The following SETD7 variants were observed in gnomAD, a reference collection of about 807,000 sequenced individuals.
SETD7 encodes the protein SET domain containing 7, histone lysine methyltransferase.
SETD7 carries 16 observed loss-of-function variants against 41.8 expected under a neutral mutation model. The observed-to-expected ratio is 0.38, with a 90% confidence interval of 0.26 to 0.58. SETD7 has a LOEUF of 0.58. Among genes scored for constraint, SETD7 ranks in the 20% least tolerant of loss-of-function variants. The probability of loss-of-function intolerance (pLI) is 0.64; values close to 1 mark genes in which losing one functional copy is unlikely to be tolerated. For missense variants in SETD7, 346 were observed against 459.7 expected, an observed-to-expected ratio of 0.75 and a Z score of 2.26; for synonymous variants, 163 against 169.7, an observed-to-expected ratio of 0.96 and a Z score of 0.31.
Position 139,511,668 on chromosome 4 carries a change from T to C in SETD7, c.1096A>G (p.Lys366Glu). Residue 366 changes from lysine to glutamate, a missense_variant, in exon 8 of 8, where the codon AAG becomes GAG. Around this residue, in one of 3 missense-constraint regions of SETD7, gnomAD observed 5 missense variants for 17.2 expected, o/e 0.29. Coordinates refer to ENST00000274031, the MANE Select transcript of SETD7 (RefSeq NM_030648.4). ...ELKAFQATQQ[K>E] ...GAACCCCAAAGCCAGGCCTTTCACT[T>C]TTGCTGGGTGGCCTGGAAGGCCTTC... The C allele has an allele frequency of 6.2e-7, 1 of 1,613,666 alleles. No homozygotes were observed. Among genetic ancestry groups the C allele is most frequent in the Non-Finnish European group, 8.5e-7 (1 of 1,179,870 alleles).
exon 8 of SETD7, chr4:139,496,114 C>A: frequency 2.7e-6 from 1 of 367,838 alleles, no homozygotes; most frequent in Non-Finnish European, 4.9e-6. Context: ...GAAGAAAATT[C>A]CAAATATCCT....
chr4:139,494,396 C>T (rs1726416664), downstream of SETD7, among the ~76,000 whole-genome samples: 1 of 152,208 alleles, frequency 6.6e-6, no homozygotes. Flanking sequence ...CAATATCCAG[C>T]ATACCTGAGC....
At chr4:139,534,838 T>C (rs1727593085) in intron 2 of SETD7, among the ~76,000 whole-genome samples, 2 of 152,232 alleles carry the variant, frequency 1.3e-5, no homozygotes, top group Admixed American at 1.3e-4. Context: ...CTCTGTCTGG[T>C]AAAGTCTTGA....
At chr4:139,500,531 C>T (rs934157962) in intron 7 of SETD7, among the ~76,000 whole-genome samples, 24 of 152,276 alleles carry the variant, frequency 1.6e-4, no homozygotes, top group South Asian at 2.1e-4. Context: ...TTTTTTGAGA[C>T]GGAGTCTTGC....
At chr4:139,520,115 G>A (rs539892758) in intron 6 of SETD7, among the ~76,000 whole-genome samples, 162 bp downstream of exon 6, 8 of 152,104 alleles carry the variant, frequency 5.3e-5, no homozygotes, top group South Asian at 4.1e-4. Flanking sequence ...AAAAAAAATC[G>A]TATTAAGGCT....
rs776570434 is a variant in SETD7, at chr4:139,517,934, A to G, written c.871T>C (p.Leu291=). ...AAGGAGTGATTTGCCTTGTGTCCCAAGGAGGCACAGTACTTGGATACGTGG... is the reference window on the plus strand; with the variant it reads ...AAGGAGTGATTTGCCTTGTGTCCCAGGGAGGCACAGTACTTGGATACGTGG... ...YNHVSKYCAS[L]GHKANHSFTP... Residue 291 remains leucine, a synonymous_variant, in exon 7 of 8, where the codon TTG becomes CTG. Transcript: ENST00000274031. 4.3e-6 allele frequency: 7 copies of G among 1,613,974 alleles called. No homozygotes were observed. The South Asian group carries it at 4.4e-5, about 10-fold the overall frequency.
chr4:139,540,438 T>C (rs1046154826), intron 2 of SETD7, among the ~76,000 whole-genome samples: 10 of 152,306 alleles, frequency 6.6e-5, no homozygotes, highest in African/African-American at 2.4e-4. Context: ...ATTTCCCTGT[T>C]TCAAGTTGGA....
At chr4:139,547,223 C>T (rs546058356) in intron 1 of SETD7, among the ~76,000 whole-genome samples, 174 bp from the exon 2 acceptor site, 6 of 152,278 alleles carry the variant, frequency 3.9e-5, no homozygotes, top group Admixed American at 2.0e-4. Context: ...CTCACCTCAT[C>T]GGCACCAGCA....
chr4:139,551,432 T>C (rs1285945685), intron 1 of SETD7, among the ~76,000 whole-genome samples: 1 of 152,262 alleles, frequency 6.6e-6, no homozygotes, highest in Non-Finnish European at 1.5e-5. Flanking sequence ...GTCTACTTTT[T>C]CACTTTATTC....
intron 2 of SETD7, among the ~76,000 whole-genome samples, chr4:139,537,452 A>G (rs1409334311): frequency 6.6e-6 from 1 of 151,362 alleles, no homozygotes; most frequent in South Asian, 2.1e-4. Context: ...AACAGAGCCT[A>G]CTCATCATCC....
downstream of SETD7, among the ~76,000 whole-genome samples, chr4:139,494,665 G>T (rs560189677): frequency 1.5e-4 from 23 of 152,336 alleles, no homozygotes; most frequent in South Asian, 4.8e-3. Flanking sequence ...TATCAACATA[G>T]ACACAGAAGT....
intron 1 of SETD7, among the ~76,000 whole-genome samples, chr4:139,550,606 G>T (rs1728084674): frequency 6.6e-6 from 1 of 152,202 alleles, no homozygotes; most frequent in African/African-American, 2.4e-5. Context: ...AGACTAGGTT[G>T]CAGTGCTCTT....
chr4:139,537,036 C>T (rs896578234), intron 2 of SETD7, among the ~76,000 whole-genome samples: 5 of 152,078 alleles, frequency 3.3e-5, no homozygotes, highest in Non-Finnish European at 7.4e-5. Context: ...AGTGCAACGG[C>T]ACAATCTTGG....
At chr4:139,537,016 C>T (rs1724692794) in intron 2 of SETD7, among the ~76,000 whole-genome samples, 1 of 152,112 alleles carries the variant, frequency 6.6e-6, no homozygotes, top group Non-Finnish European at 1.5e-5. Flanking sequence ...ACTCTTGTTG[C>T]CCAGGCTGGA....
In SETD7 at chr4:139,511,738, G is replaced by C. The variant is rs368140697; in HGVS notation, c.1026C>G (p.Pro342=). ...CAGGGGCTTCAGGCCCACTCTTCCC[G>C]GGGGGGCTGTGGTCATAGCCATAGG... ...TVAYGYDHSP[P]GKSGPEAPEW... is the part of the protein sequence containing the mutation. Residue 342 remains proline (P), a synonymous_variant, in exon 8 of 8, where the codon CCC becomes CCG. Coordinates refer to ENST00000274031, the MANE Select transcript of SETD7 (RefSeq NM_030648.4). The C allele has an allele frequency of 4.2e-5, 67 of 1,613,698 alleles. No homozygotes were observed. The highest frequency in any genetic ancestry group is 4.9e-5 in the Non-Finnish European group (58 of 1,179,932).
At chr4:139,544,928 A>C (rs1727896412) in intron 2 of SETD7, among the ~76,000 whole-genome samples, 1 of 151,980 alleles carries the variant, frequency 6.6e-6, no homozygotes. Flanking sequence ...TTTAGTATCA[A>C]ATTAAGAGAA....
chr4:139,526,270 A>C, intron 4 of SETD7, among the ~76,000 whole-genome samples: 1 of 149,278 alleles, frequency 6.7e-6, no homozygotes, highest in African/African-American at 2.5e-5. Context: ...TCTCACTCTC[A>C]ACAATTTTTT....
intron 7 of SETD7, among the ~76,000 whole-genome samples, chr4:139,513,190 G>C (rs1489281157): frequency 8.6e-5 from 13 of 151,662 alleles, no homozygotes; most frequent in East Asian, 2.0e-4. Flanking sequence ...GAGGCTGAGG[G>C]GGGTGGATCA....
intron 2 of SETD7, among the ~76,000 whole-genome samples, chr4:139,542,155 C>T (rs1388582770): frequency 2.0e-5 from 3 of 152,192 alleles, no homozygotes; most frequent in Non-Finnish European, 4.4e-5. Flanking sequence ...ACAAATACCG[C>T]ATGATCTCAT....
Sources: allele counts gnomAD v4.1 joint callset (sites outside exome capture counted in the v4.1 genomes callset), GRCh38; gene constraint gnomAD v4.1.1; regional missense constraint gnomAD v4.1.1; transcripts MANE v1.5; gene names NCBI Gene and HGNC (gene_info 2026-07-23, HGNC 2026-07-21).